The following CES3 variants were observed in gnomAD, a reference collection of about 807,000 sequenced individuals.
CES3 encodes carboxylesterase 3 (brain).
A neutral mutation model predicts 57.6 loss-of-function variants in CES3; 49 were observed. That is an observed-to-expected ratio of 0.85 (90% CI 0.68 to 1.08). CES3 has a LOEUF of 1.08. Among genes scored for constraint, CES3 ranks in the 50% least tolerant of loss-of-function variants. The pLI is 0.00. For missense variants in CES3, 645 were observed against 742.0 expected (o/e 0.87, Z 1.52); for synonymous variants, 266 against 281.6 (o/e 0.94, Z 0.55).
chr16:66,969,084 A>C (rs887304474), intron 8 of CES3, among the ~76,000 whole-genome samples: 2 of 152,064 alleles, frequency 1.3e-5, no homozygotes, highest in African/African-American at 4.8e-5. Context: ...TGTGCCCAGG[A>C]CTTGTTGCTG....
chr16:66,972,223 G>A, intron 10 of CES3, 133 bp from the exon 11 acceptor site: 1 of 917,526 alleles, frequency 1.1e-6, no homozygotes. Flanking sequence ...CTCAGTAAAT[G>A]TTTGCAGCTA....
chr16:66,964,215 G>A, intron 4 of CES3, 142 bp from the exon 5 acceptor site: 1 of 1,176,902 alleles, frequency 8.5e-7, no homozygotes, highest in Non-Finnish European at 1.2e-6. Flanking sequence ...ACAGGCTGTG[G>A]AGATGCCAAC....
intron 9 of CES3, among the ~76,000 whole-genome samples, chr16:66,970,089 T>A (rs188114806): frequency 1.6e-4 from 24 of 149,620 alleles, no homozygotes; most frequent in Admixed American, 1.3e-3. Flanking sequence ...AACTCTGTTT[T>A]CTTTTCTTTT....
intron 8 of CES3, among the ~76,000 whole-genome samples, chr16:66,969,064 C>T (rs974806151): frequency 6.6e-6 from 1 of 151,990 alleles, no homozygotes; most frequent in Non-Finnish European, 1.5e-5. Context: ...ATCTGCCTGG[C>T]GTGGAAGGCT....
intron 6 of CES3, among the ~76,000 whole-genome samples, chr16:66,965,260 A>G (rs1963713386): frequency 6.6e-6 from 1 of 152,172 alleles, no homozygotes; most frequent in Non-Finnish European, 1.5e-5. Flanking sequence ...GGGAATCTGG[A>G]CTTTCTCCAG....
chr16:66,964,613 A>G lies in CES3; in HGVS notation c.715-10A>G, dbSNP rs373731607. The G allele has an allele frequency of 6.8e-6, 11 of 1,613,224 alleles. No homozygotes were observed. Among genetic ancestry groups the G allele is most frequent in the East Asian group, 2.2e-5 (1 of 44,852 alleles). Reference sequence around the variant, plus strand: ...CTCTGACAGCCACCTCCTCTCTCCAATGCACCCAGGTCCTGTCCCCAGTGG... The same window carrying G: ...CTCTGACAGCCACCTCCTCTCTCCAGTGCACCCAGGTCCTGTCCCCAGTGG... On this transcript the variant is annotated splice_polypyrimidine_tract_variant and intron_variant, in intron 5 of 12. Transcript: ENST00000303334.
chr16:66,963,261 C>T lies in CES3; in HGVS notation c.165C>T (p.Arg55=), dbSNP rs373499372. 5 of 1,614,138 alleles carry T rather than the reference C, an allele frequency of 3.1e-6. No individual in the cohort carries two copies. The African/African-American group carries it at 6.7e-5, about 22-fold the overall frequency. The change falls in exon 2 of 13, where the codon CGC becomes CGT. Residue 55 remains arginine (R), a synonymous_variant. Coordinates refer to ENST00000303334, the MANE Select transcript of CES3 (RefSeq NM_024922.6). This position sits in a 1 kb window ranked among gnomAD's most constrained non-coding sequence, Gnocchi z 4.9. The part of the protein sequence containing the change: ...GRQVGVKGTD[R]LVNVFLGIPF... The stretch of plus-strand genomic sequence containing the variant: ...AGGTGGGCGTGAAGGGCACAGACCG[C>T]CTTGTGAATGTCTTTCTGGGCATTC...
At position 66,964,675 on chromosome 16, in the gene CES3, G is replaced by T. The variant is rs756418160; in HGVS notation, c.767G>T (p.Gly256Val). The T allele has an allele frequency of 1.9e-6, 3 of 1,614,052 alleles. No homozygotes were observed. Among genetic ancestry groups the T allele is most frequent in the South Asian group, 2.2e-5 (2 of 91,076 alleles). The change falls in exon 6 of 13, where the codon GGG becomes GTG. Residue 256 changes from glycine (G) to valine (V), a missense_variant. Coordinates refer to ENST00000303334, the MANE Select transcript of CES3 (RefSeq NM_024922.6). ...GLFHRAITQS[G>V]VITTPGIIDS... ...TTCCACAGAGCCATCACACAGAGTGGGGTCATCACCACCCCAGGGATCATC... is the reference window on the plus strand; with the variant it reads ...TTCCACAGAGCCATCACACAGAGTGTGGTCATCACCACCCCAGGGATCATC...
rs780130175 is a variant in CES3 at position 66,964,350 on chromosome 16, C to G, written c.561-7C>G. Reference sequence around the variant, plus strand: ...TGAACTAACCGTTGCCCCAACACTGCCCCCAGCACTGGAGATGAGCATGCA... The same window carrying G: ...TGAACTAACCGTTGCCCCAACACTGGCCCCAGCACTGGAGATGAGCATGCA... On this transcript the variant is annotated splice_polypyrimidine_tract_variant and splice_region_variant and intron_variant, in intron 4 of 12. Transcript: ENST00000303334. 1.2e-6 allele frequency: 2 copies of G among 1,612,714 alleles called. No individual in the cohort carries two copies. The highest frequency in any genetic ancestry group is 2.7e-5 in the African/African-American group (2 of 74,920).
At chr16:66,971,381 A>T in intron 10 of CES3, 62 bp downstream of exon 10, 1 of 1,557,524 alleles carries the variant, frequency 6.4e-7, no homozygotes, top group Non-Finnish European at 8.8e-7. Context: ...CTGGGTCATC[A>T]CAGGTGACAT....
In CES3 at chr16:66,963,024, T is replaced by C; in HGVS notation, c.83-155T>C. On this transcript the variant is annotated intron_variant, in intron 1 of 12. Transcript: ENST00000303334. This position sits in a 1 kb window ranked among gnomAD's most constrained non-coding sequence, Gnocchi z 4.9. Reference sequence around the variant, plus strand: ...CTCAGGCAGGCAGGGAGGAGGAAGTTGGGCGTCAACCTAAGACCAGGCTCA... The same window carrying C: ...CTCAGGCAGGCAGGGAGGAGGAAGTCGGGCGTCAACCTAAGACCAGGCTCA... The C allele has an allele frequency of 1.3e-6, 1 of 792,376 alleles. No individual in the cohort carries two copies. Among genetic ancestry groups the C allele is most frequent in the Non-Finnish European group, 2.1e-6 (1 of 466,570 alleles). The allele number at this position is 792,376 out of a possible 1,614,324, so 49.1% of individuals were successfully genotyped here.
chr16:66,963,793 C>A lies in CES3; in HGVS notation c.427-9C>A. Reference sequence around the variant, plus strand: ...CTTGGGGGTCAGTGCCCCATGGCCACCTCTGCAGGTCATGGTATGGGTCCA... The same window carrying A: ...CTTGGGGGTCAGTGCCCCATGGCCAACTCTGCAGGTCATGGTATGGGTCCA... On this transcript the variant is annotated splice_polypyrimidine_tract_variant and intron_variant, in intron 3 of 12. Coordinates refer to ENST00000303334, the MANE Select transcript of CES3 (RefSeq NM_024922.6). The surrounding 1 kb of genome is among the most constrained non-coding windows in gnomAD (Gnocchi z 4.9). The A allele has an allele frequency of 6.2e-7, 1 of 1,611,634 alleles. No homozygotes were observed. The highest frequency in any genetic ancestry group is 8.5e-7 in the Non-Finnish European group (1 of 1,177,900).
At chr16:66,964,815 G>C in intron 6 of CES3, 88 bp downstream of exon 6, 1 of 1,053,378 alleles carries the variant, frequency 9.5e-7, no homozygotes, top group Non-Finnish European at 1.4e-6. Context: ...AGCGGGGTTT[G>C]CTGGCAGGGA....
chr16:66,967,359 T>C, intron 8 of CES3: 1 of 323,834 alleles, frequency 3.1e-6, no homozygotes, highest in Admixed American at 5.8e-5. Flanking sequence ...AAAGCAAATG[T>C]TTTCTTTTGG....
rs760568037 is a variant in CES3 at position 66,963,686 on chromosome 16, C to T, written c.426+57C>T. ...TCCAGCTCCACTATGCCTACCTGTC[C>T]CCTCCCCGTCCCTGTTTCCAAAGCA... is the stretch of plus-strand genomic sequence containing the variant. On this transcript the variant is annotated intron_variant, in intron 3 of 12. Coordinates refer to ENST00000303334, the MANE Select transcript of CES3 (RefSeq NM_024922.6). The surrounding 1 kb of genome is among the most constrained non-coding windows in gnomAD (Gnocchi z 4.9). 1.2e-6 allele frequency: 2 copies of T among 1,613,078 alleles called. No individual in the cohort carries two copies. Among genetic ancestry groups the T allele is most frequent in the Non-Finnish European group, 1.7e-6 (2 of 1,179,624 alleles).
chr16:66,967,632 C>T (rs1371143751), intron 8 of CES3: 16 of 984,906 alleles, frequency 1.6e-5, no homozygotes, highest in Non-Finnish European at 1.8e-5. Flanking sequence ...CATCTTGTTT[C>T]TGTCATTCTT....
chr16:66,974,554 C>T lies in CES3; in HGVS notation c.*1505C>T, dbSNP rs71649625. 3,195 of 157,292 alleles carry T rather than the reference C, an allele frequency of 0.02. 81 individuals carry two copies. The highest frequency in any genetic ancestry group is 0.068 in the South Asian group (387 of 5,686). The allele number at this position is 157,292 out of a possible 1,614,324, so 9.7% of individuals were successfully genotyped here. On this transcript the variant is annotated 3_prime_UTR_variant, in exon 13 of 13. Transcript: ENST00000303334. ...GTGCGGCCGGAGCCTCCCCAAGGAG[C>T]GCCGCCCCCTGCTCCACAGCGCCCA...
At chr16:66,971,637 T>TG (rs34226199) in intron 10 of CES3, among the ~76,000 whole-genome samples, 6 of 152,150 alleles carry the variant, frequency 3.9e-5, no homozygotes, top group African/African-American at 1.4e-4. Context: ...TCAGCACTTC[T>TG]GGGGGGAAAG....
At chr16:66,967,113 C>T (rs958696855) in intron 8 of CES3, among the ~76,000 whole-genome samples, 20 of 151,944 alleles carry the variant, frequency 1.3e-4, no homozygotes, top group Admixed American at 2.0e-4. Flanking sequence ...GACAGAGTCT[C>T]GCTCTGTCAC....
Sources: allele counts gnomAD v4.1 joint callset (sites outside exome capture counted in the v4.1 genomes callset), GRCh38; gene constraint gnomAD v4.1.1; non-coding constraint Gnocchi (gnomAD v3.1); transcripts MANE v1.5; gene names NCBI Gene and HGNC (gene_info 2026-07-23, HGNC 2026-07-21).